The following ERLIN1 variants were observed in gnomAD, a reference collection of about 807,000 sequenced individuals.
ERLIN1 encodes the protein ER lipid raft associated 1, also known as erlin-1.
Under a neutral mutation model 46.9 loss-of-function variants are expected in ERLIN1, and 24 were observed. The observed-to-expected ratio is 0.51, with a 90% CI of 0.37 to 0.72. ERLIN1 has a LOEUF of 0.72. ERLIN1 is among the 30% of genes least tolerant of loss of function. ERLIN1 has a pLI of 0.00. For synonymous variants in ERLIN1, 158 were observed against 143.2 expected, an observed-to-expected ratio of 1.10 and a Z score of -0.74; for missense variants, 293 against 417.9, an observed-to-expected ratio of 0.70 and a Z score of 2.61.
At chr10:100,162,559 G>A (rs1054700542) in intron 8 of ERLIN1, among the ~76,000 whole-genome samples, 9 of 152,150 alleles carry the variant, frequency 5.9e-5, no homozygotes, top group Non-Finnish European at 1.3e-4. Flanking sequence ...CTTTGAGATA[G>A]CTATTCTAGA....
chr10:100,164,840 GTGTATA>G (rs923352030), intron 7 of ERLIN1, among the ~76,000 whole-genome samples: 1 of 151,574 alleles, frequency 6.6e-6, no homozygotes, highest in African/African-American at 2.4e-5. Flanking sequence ...CAGGCTATAG[GTGTATA>G]TGGGACATAA....
chr10:100,167,041 A>G (rs1432672027), intron 7 of ERLIN1, among the ~76,000 whole-genome samples: 1 of 152,224 alleles, frequency 6.6e-6, no homozygotes, highest in Non-Finnish European at 1.5e-5. Context: ...CCTCTATTAA[A>G]TATTTAATTC....
chr10:100,185,846 C>T lies in ERLIN1; in HGVS notation c.-220G>A. The T allele has an allele frequency of 1.7e-6, 1 of 572,238 alleles. No individual in the cohort carries two copies. Among genetic ancestry groups the T allele is most frequent in the South Asian group, 2.1e-5 (1 of 46,758 alleles). The allele number at this position is 572,238 out of a possible 1,614,324, so 35.4% of individuals were successfully genotyped here. On this transcript the variant is annotated 5_prime_UTR_variant, in exon 1 of 11. Coordinates refer to ENST00000421367, the MANE Select transcript of ERLIN1 (RefSeq NM_006459.4). ...CGGAGGCCAGTGGGCCGCCCCTGCT[C>T]GGTGAGCTTCCTGAAACTCCCTCTC... is the stretch of plus-strand genomic sequence containing the variant.
chr10:100,152,035 T>TA lies in ERLIN1; in HGVS notation c.*95dup, dbSNP rs758644232. ...CAGGAGAGGTGGAACAGATGAAGTGTAAGTTCTCTGTAAATCTGAAGAGTC... is the reference window on the plus strand; with the variant it reads ...CAGGAGAGGTGGAACAGATGAAGTGTAAAGTTCTCTGTAAATCTGAAGAGTC... On this transcript the variant is annotated 3_prime_UTR_variant, in exon 11 of 11. Coordinates refer to ENST00000421367, the MANE Select transcript of ERLIN1 (RefSeq NM_006459.4). 1 of 807,212 alleles carries TA rather than the reference T, an allele frequency of 1.2e-6. No homozygotes were observed. Among genetic ancestry groups the TA allele is most frequent in the Non-Finnish European group, 2.1e-6 (1 of 466,708 alleles). 50.0% of individuals were successfully genotyped at this position (807,212 alleles called of 1,614,324 possible). A position where few individuals can be genotyped will look rare whatever the true frequency, so the allele number is the denominator to read the frequency against.
chr10:100,182,064 A>G (rs1014980599), intron 2 of ERLIN1, among the ~76,000 whole-genome samples: 20 of 152,082 alleles, frequency 1.3e-4, no homozygotes, highest in African/African-American at 3.9e-4. Context: ...TAAACTCCAA[A>G]ATCTGTTTAC....
chr10:100,155,576 G>A (rs1843035621), intron 9 of ERLIN1, among the ~76,000 whole-genome samples: 1 of 151,664 alleles, frequency 6.6e-6, no homozygotes, highest in South Asian at 2.1e-4. Flanking sequence ...GTGCAGTGGC[G>A]GGATCTCGGC....
chr10:100,155,299 C>A (rs190833171), intron 9 of ERLIN1, among the ~76,000 whole-genome samples: 17 of 152,140 alleles, frequency 1.1e-4, no homozygotes, highest in East Asian at 7.7e-4. Context: ...CCAGCCCCCC[C>A]CCAAATTTCA....
rs1321238639 is a variant in ERLIN1 at position 100,175,686 on chromosome 10, T to C, written c.430+259A>G. ...GTTTCTAAATTTTTCAAATTATCTA[T>C]TAAAACATCAACAAAGCTAATTTTC... is the stretch of plus-strand genomic sequence containing the variant. On this transcript the variant is annotated intron_variant, in intron 5 of 10. Transcript: ENST00000421367. 2.6e-5 allele frequency among the ~76,000 whole-genome samples: 4 copies of C among 152,182 alleles called. No individual in the cohort carries two copies. In the East Asian group the frequency reaches 5.8e-4, roughly 22 times the overall value.
At chr10:100,172,356 C>T (rs1749001726) in intron 6 of ERLIN1, among the ~76,000 whole-genome samples, 1 of 152,054 alleles carries the variant, frequency 6.6e-6, no homozygotes, top group African/African-American at 2.4e-5. Flanking sequence ...TGATGTTATC[C>T]CTGCATAATA....
intron 4 of ERLIN1, among the ~76,000 whole-genome samples, chr10:100,177,069 C>T (rs1844353452): frequency 6.6e-6 from 1 of 152,108 alleles, no homozygotes; most frequent in Admixed American, 6.5e-5. Context: ...TTGCACTGAG[C>T]TGAGATCATG....
At chr10:100,176,706 G>T (rs548914932) in intron 4 of ERLIN1, among the ~76,000 whole-genome samples, 2 of 152,200 alleles carry the variant, frequency 1.3e-5, no homozygotes, top group African/African-American at 4.8e-5. Context: ...TGCCCAAAAG[G>T]TACATACTAG....
chr10:100,175,118 A>G (rs770956134), intron 5 of ERLIN1, among the ~76,000 whole-genome samples: 1 of 152,234 alleles, frequency 6.6e-6, no homozygotes, highest in Non-Finnish European at 1.5e-5. Flanking sequence ...CAGAACTTCC[A>G]CTATCATAAA....
chr10:100,184,540 G>A (rs1349781261), intron 1 of ERLIN1, among the ~76,000 whole-genome samples: 4 of 152,112 alleles, frequency 2.6e-5, no homozygotes, highest in South Asian at 4.1e-4. Flanking sequence ...CTTAGCTACC[G>A]GTCTTGAAAA....
intron 8 of ERLIN1, among the ~76,000 whole-genome samples, chr10:100,161,198 G>A (rs1843347738): frequency 6.6e-6 from 1 of 152,150 alleles, no homozygotes; most frequent in Non-Finnish European, 1.5e-5. Context: ...GTGAAGATAA[G>A]GACCTATTGT....
rs752801386 is a variant in ERLIN1 at position 100,176,076 on chromosome 10, G to C, written c.305-6C>G. The stretch of plus-strand genomic sequence containing the variant: ...GTTCCTCACGATATCAAACACTGAA[G>C]GAGAGGTACAACCCATGTTTGTTTT... On this transcript the variant is annotated splice_polypyrimidine_tract_variant and splice_region_variant and intron_variant, in intron 4 of 10. Coordinates refer to ENST00000421367, the MANE Select transcript of ERLIN1 (RefSeq NM_006459.4). 3 of 1,608,872 alleles carry C rather than the reference G, an allele frequency of 1.9e-6. No homozygotes were observed. The highest frequency in any genetic ancestry group is 2.5e-6 in the Non-Finnish European group (3 of 1,177,346).
chr10:100,185,628 C>G lies in ERLIN1; in HGVS notation c.-2G>C. On this transcript the variant is annotated 5_prime_UTR_variant, in exon 1 of 11. Transcript: ENST00000421367. ...AACCCGGGCTTGAGTCATATTCATT[C>G]TCGTTCCTCCTGGGAGCGGGAGAAA... The G allele has an allele frequency of 6.2e-7, 1 of 1,613,310 alleles. No individual in the cohort carries two copies. The highest frequency in any genetic ancestry group is 8.5e-7 in the Non-Finnish European group (1 of 1,179,222).
At position 100,179,206 on chromosome 10, in the gene ERLIN1, T is replaced by A. The variant is rs1222931231; in HGVS notation, c.237A>T (p.Gly79=). ...TAGGCAAAGAGAAAGCTTACCTTGT[T>A]CCACAAGGCACATTTTTAACTTCAT... ...QTDEVKNVPC[G]TSGGVMIYID... The change falls in exon 3 of 11, where the codon GGA becomes GGT. Residue 79 remains glycine (G), a synonymous_variant. Transcript: ENST00000421367. The A allele has an allele frequency of 6.3e-7, 1 of 1,594,840 alleles. No individual in the cohort carries two copies. Among genetic ancestry groups the A allele is most frequent in the African/African-American group, 1.3e-5 (1 of 74,678 alleles).
chr10:100,173,917 T>C (rs1564812104), intron 6 of ERLIN1, among the ~76,000 whole-genome samples: 1 of 152,224 alleles, frequency 6.6e-6, no homozygotes, highest in South Asian at 2.1e-4. Flanking sequence ...ATGCTTACAC[T>C]GATTTATAAC....
Position 100,185,701 on chromosome 10 carries a change from C to T in ERLIN1, c.-75G>A. ...ACAGGTCCACCCCCTCCAGTTTCTA[C>T]CCTCTCCCTCCGGAAACTTGGCGCT... On this transcript the variant is annotated 5_prime_UTR_variant, in exon 1 of 11. Transcript: ENST00000421367. 1.6e-6 allele frequency: 2 copies of T among 1,216,536 alleles called. No individual in the cohort carries two copies. Among genetic ancestry groups the T allele is most frequent in the Non-Finnish European group, 2.4e-6 (2 of 826,868 alleles). 75.4% of individuals were successfully genotyped at this position (1,216,536 alleles called of 1,614,324 possible).
Sources: gnomAD v4.1 joint callset for allele counts (sites outside exome capture counted in the v4.1 genomes callset) on GRCh38, gnomAD v4.1.1 for gene constraint, MANE v1.5 for transcripts, NCBI Gene and HGNC (gene_info 2026-07-23, HGNC 2026-07-21) for gene names.